The following SPATS2L variants were observed in gnomAD, a reference collection of about 807,000 sequenced individuals.
The protein encoded by SPATS2L is SPATS2-like protein.
A neutral mutation model predicts 59.6 loss-of-function variants in SPATS2L; 30 were observed. That is an observed-to-expected ratio of 0.50 (90% confidence interval 0.38 to 0.68). The LOEUF (loss-of-function observed/expected upper bound fraction) is 0.68, where lower values mean the gene tolerates loss of function less well. Among genes scored for constraint, SPATS2L ranks in the 30% least tolerant of loss-of-function variants. SPATS2L has a pLI of 0.00. For missense variants in SPATS2L, 615 were observed against 700.0 expected (o/e 0.88, Z 1.37); for synonymous variants, 252 against 263.5 (o/e 0.96, Z 0.42).
intron 1 of SPATS2L, among the ~76,000 whole-genome samples, chr2:200,319,255 A>G (rs1054884722): frequency 1.3e-5 from 2 of 152,198 alleles, no homozygotes; most frequent in African/African-American, 4.8e-5. Context: ...CCACTACTCT[A>G]TCAATGCCAT....
chr2:200,311,781 A>G (rs908365544), intron 1 of SPATS2L, among the ~76,000 whole-genome samples: 1 of 152,148 alleles, frequency 6.6e-6, no homozygotes, highest in Non-Finnish European at 1.5e-5. Flanking sequence ...AAAATAACAG[A>G]CGTATCCCAG....
intron 2 of SPATS2L, among the ~76,000 whole-genome samples, chr2:200,370,300 A>C (rs1227572429): frequency 6.6e-6 from 1 of 152,258 alleles, no homozygotes; most frequent in Non-Finnish European, 1.5e-5. Context: ...GTTCAATAGA[A>C]TAAATGGAAT....
At chr2:200,352,928 T>C (rs1189828871) in intron 2 of SPATS2L, among the ~76,000 whole-genome samples, 3 of 152,176 alleles carry the variant, frequency 2.0e-5, no homozygotes, top group Non-Finnish European at 4.4e-5. Flanking sequence ...GTGAACTTTC[T>C]AGTGTTCTCA....
rs746838119 is a variant in SPATS2L at position 200,459,843 on chromosome 2, A to G, written c.847+16A>G. 1 of 1,588,612 alleles carries G rather than the reference A, an allele frequency of 6.3e-7. No individual in the cohort carries two copies. The highest frequency in any genetic ancestry group is 8.6e-7 in the Non-Finnish European group (1 of 1,159,706). On this transcript the variant is annotated intron_variant, in intron 9 of 12. Coordinates refer to ENST00000409140, the MANE Select transcript of SPATS2L (RefSeq NM_001100423.2). ...GAAGAAGCCAGTAAGTAGACAACAC[A>G]TGGTTATTTGATTAGGAGCTTCCCA...
At chr2:200,446,993 T>A (rs887573791) in intron 8 of SPATS2L, among the ~76,000 whole-genome samples, 1 of 152,244 alleles carries the variant, frequency 6.6e-6, no homozygotes, top group Non-Finnish European at 1.5e-5. Flanking sequence ...CGTCTGTTTT[T>A]CATCATAGAA....
At chr2:200,382,145 C>T (rs842827) in intron 2 of SPATS2L, among the ~76,000 whole-genome samples, 23,170 of 152,032 alleles carry the variant, frequency 0.15, 2,608 homozygotes, top group African/African-American at 0.32. Context: ...AACTTCCGCC[C>T]CACCTACCGG....
intron 1 of SPATS2L, among the ~76,000 whole-genome samples, chr2:200,311,438 G>A (rs1441068989): frequency 1.3e-5 from 2 of 152,142 alleles, no homozygotes; most frequent in African/African-American, 4.8e-5. Context: ...GGAGTGATGG[G>A]CCCCAGTACT....
intron 2 of SPATS2L, among the ~76,000 whole-genome samples, chr2:200,373,952 T>C (rs1252197642): frequency 6.6e-6 from 1 of 152,132 alleles, no homozygotes; most frequent in African/African-American, 2.4e-5. Flanking sequence ...TGGGATAGGA[T>C]GAGAAGGAAC....
chr2:200,317,049 T>C (rs564605459), intron 1 of SPATS2L, among the ~76,000 whole-genome samples: 92 of 152,328 alleles, frequency 6.0e-4, no homozygotes, highest in African/African-American at 2.1e-3. Context: ...GTTGGTCTTA[T>C]GTGTGTATGA....
At chr2:200,336,793 C>A (rs1015103441) in intron 2 of SPATS2L, among the ~76,000 whole-genome samples, 2 of 152,108 alleles carry the variant, frequency 1.3e-5, no homozygotes, top group Non-Finnish European at 2.9e-5. Context: ...CAGTATTGCC[C>A]CTGACAAGTT....
intron 2 of SPATS2L, among the ~76,000 whole-genome samples, chr2:200,356,666 T>C (rs548108516): frequency 6.6e-6 from 1 of 152,322 alleles, no homozygotes; most frequent in African/African-American, 2.4e-5. Flanking sequence ...AATAAAAATC[T>C]GAGGATGGCT....
chr2:200,417,940 C>T (rs1211206837), intron 5 of SPATS2L, among the ~76,000 whole-genome samples: 2 of 152,100 alleles, frequency 1.3e-5, no homozygotes, highest in Non-Finnish European at 2.9e-5. Context: ...TTGTTGAGTA[C>T]ACTGAGTATC....
At position 200,386,043 on chromosome 2, in the gene SPATS2L, C is replaced by A. The variant is rs182770454; in HGVS notation, c.-22-3180C>A. On this transcript the variant is annotated intron_variant, in intron 2 of 12. Transcript: ENST00000409140. ...AATTTATGGTCTGTTTAAATTAGAA[C>A]CTTTTAACTAGTTCCCCATTGCCTC... 4.0e-3 allele frequency among the ~76,000 whole-genome samples: 615 copies of A among 152,248 alleles called. 3 individuals are homozygous for A. The highest frequency in any genetic ancestry group is 0.014 in the African/African-American group (587 of 41,534).
intron 8 of SPATS2L, among the ~76,000 whole-genome samples, chr2:200,456,989 T>C (rs530532467): frequency 1.3e-5 from 2 of 152,224 alleles, no homozygotes; most frequent in African/African-American, 2.4e-5. Context: ...CCACAAAGAA[T>C]GTCGTCGTGC....
chr2:200,366,194 A>T (rs1172351923), intron 2 of SPATS2L, among the ~76,000 whole-genome samples: 3 of 152,200 alleles, frequency 2.0e-5, no homozygotes, highest in African/African-American at 7.2e-5. Context: ...TGCAAAGTAC[A>T]AGTTAGGTGG....
At chr2:200,424,042 G>A (rs1038295159) in intron 6 of SPATS2L, among the ~76,000 whole-genome samples, 7 of 152,178 alleles carry the variant, frequency 4.6e-5, no homozygotes, top group Non-Finnish European at 8.8e-5. Flanking sequence ...TCAGCAGATC[G>A]TTTAGAAGTT....
chr2:200,400,599 A>C (rs557230889), intron 3 of SPATS2L, among the ~76,000 whole-genome samples: 29 of 152,348 alleles, frequency 1.9e-4, no homozygotes, highest in African/African-American at 6.7e-4. Flanking sequence ...AAAATACTTT[A>C]GTTCATTTTA....
At chr2:200,334,921 T>C (rs1367941352) in intron 2 of SPATS2L, among the ~76,000 whole-genome samples, 1 of 152,346 alleles carries the variant, frequency 6.6e-6, no homozygotes, top group Admixed American at 6.5e-5. Context: ...TGTAGCCTTG[T>C]AGTATAGTTT....
intron 2 of SPATS2L, among the ~76,000 whole-genome samples, chr2:200,334,021 G>A (rs2080051964): frequency 6.6e-6 from 1 of 152,178 alleles, no homozygotes; most frequent in Non-Finnish European, 1.5e-5. Flanking sequence ...TACACCCAGT[G>A]ATGGGATGGC....
Sources: allele counts gnomAD v4.1 joint callset (sites outside exome capture counted in the v4.1 genomes callset), GRCh38; gene constraint gnomAD v4.1.1; transcripts MANE v1.5; gene names NCBI Gene and HGNC (gene_info 2026-07-23, HGNC 2026-07-21).